LINGO1: variants seen among roughly 807,000 people sequenced by gnomAD.
LINGO1 encodes the protein leucine rich repeat and Ig domain containing 1, also known as leucine-rich repeat and immunoglobulin-like domain-containing nogo receptor-interacting protein 1.
LINGO1 carries 11 observed loss-of-function variants against 37.3 expected under a neutral mutation model. The ratio of observed to expected loss-of-function variants is 0.29; its 90% CI spans 0.19 to 0.49. LINGO1 has a LOEUF of 0.49. LINGO1 is among the 20% of genes least tolerant of loss of function. The pLI, the probability that LINGO1 is intolerant of heterozygous loss-of-function variation, is 0.99. For synonymous variants in LINGO1, 387 were observed against 403.0 expected (o/e 0.96, Z 0.48); for missense variants, 585 against 878.2 (o/e 0.67, Z 4.22).
chr15:77,713,105 C>A (rs913386261), intron 2 of LINGO1, among the ~76,000 whole-genome samples: 4 of 152,116 alleles, frequency 2.6e-5, no homozygotes, highest in Admixed American at 6.5e-5. Flanking sequence ...TGCAGTGGTA[C>A]AATCTTGGCT....
At chr15:77,620,674 G>C (rs933092035) in intron 1 of LINGO1, among the ~76,000 whole-genome samples, 1 of 152,214 alleles carries the variant, frequency 6.6e-6, no homozygotes, top group Non-Finnish European at 1.5e-5. Context: ...CTCAAACCTT[G>C]CTAAAGGGTA....
At chr15:77,765,704 T>A (rs545500469) in intron 1 of LINGO1, among the ~76,000 whole-genome samples, 1 of 152,110 alleles carries the variant, frequency 6.6e-6, no homozygotes, top group Non-Finnish European at 1.5e-5. Context: ...GGACCCATAC[T>A]GAAAACTGAA....
upstream of LINGO1, among the ~76,000 whole-genome samples, chr15:77,635,225 C>T (rs549806412): frequency 2.6e-4 from 40 of 152,222 alleles, no homozygotes; most frequent in Non-Finnish European, 5.3e-4. Flanking sequence ...AAGCCATTCC[C>T]CTTTCCCTTT....
chr15:77,774,692 T>C (rs534977806), intron 1 of LINGO1, among the ~76,000 whole-genome samples: 1 of 152,112 alleles, frequency 6.6e-6, no homozygotes, highest in Non-Finnish European at 1.5e-5. Flanking sequence ...GTGATGTCAG[T>C]AATGAGAGCA....
chr15:77,783,370 T>A (rs1043883436), intron 1 of LINGO1, among the ~76,000 whole-genome samples: 6 of 152,150 alleles, frequency 3.9e-5, no homozygotes, highest in Non-Finnish European at 8.8e-5. Context: ...AAGGGCAGGC[T>A]GGCTCCAAGC....
chr15:77,819,757 C>T (rs1248202605), intron 1 of LINGO1, among the ~76,000 whole-genome samples: 6 of 151,084 alleles, frequency 4.0e-5, no homozygotes, highest in African/African-American at 1.2e-4. Flanking sequence ...GCGGGCGGCC[C>T]GGCTCCCGCA....
At chr15:77,785,411 GC>G (rs1482670001) in intron 1 of LINGO1, among the ~76,000 whole-genome samples, 1 of 152,178 alleles carries the variant, frequency 6.6e-6, no homozygotes, top group Non-Finnish European at 1.5e-5. Flanking sequence ...CCCAACTGAG[GC>G]CCTGGAGCGT....
chr15:77,801,064 A>G (rs937352114), intron 1 of LINGO1, among the ~76,000 whole-genome samples: 1 of 152,132 alleles, frequency 6.6e-6, no homozygotes, highest in African/African-American at 2.4e-5. Context: ...AGACCATTGG[A>G]TGGAGGGGGA....
intron 2 of LINGO1, among the ~76,000 whole-genome samples, chr15:77,702,541 T>C (rs1405536991): frequency 2.0e-5 from 3 of 152,190 alleles, no homozygotes; most frequent in African/African-American, 7.2e-5. Flanking sequence ...CAACATGCCA[T>C]GGCCTTCCTG....
At chr15:77,685,916 A>C (rs2075501715) in intron 2 of LINGO1, among the ~76,000 whole-genome samples, 1 of 152,124 alleles carries the variant, frequency 6.6e-6, no homozygotes, top group Non-Finnish European at 1.5e-5. Context: ...CCCTTAAAGC[A>C]ATGCAGGAGG....
At chr15:77,630,845 T>G (rs2074233804) in intron 1 of LINGO1, among the ~76,000 whole-genome samples, 1 of 152,108 alleles carries the variant, frequency 6.6e-6, no homozygotes, top group African/African-American at 2.4e-5. Flanking sequence ...TGTGCCCTCT[T>G]TCAGCACGGT....
intron 2 of LINGO1, among the ~76,000 whole-genome samples, chr15:77,688,286 G>A (rs1290519471): frequency 1.3e-5 from 2 of 152,248 alleles, no homozygotes; most frequent in Non-Finnish European, 2.9e-5. Context: ...AGAGGGTCAA[G>A]TTGGTCTGCT....
intron 1 of LINGO1, among the ~76,000 whole-genome samples, chr15:77,626,155 T>C (rs1009251847): frequency 6.6e-6 from 1 of 152,042 alleles, no homozygotes; most frequent in Non-Finnish European, 1.5e-5. Flanking sequence ...CCACAGAATC[T>C]CTGGGCTAGG....
chr15:77,637,072 C>T (rs1166010965), upstream of LINGO1, among the ~76,000 whole-genome samples: 2 of 152,146 alleles, frequency 1.3e-5, no homozygotes, highest in Admixed American at 1.3e-4. The surrounding 1 kb of genome is among the most constrained non-coding windows in gnomAD (Gnocchi z 4.6). Context: ...CCCATGTAAG[C>T]ATGTCACAAA....
At chr15:77,634,303 G>C, upstream of LINGO1, 2 of 456,050 alleles carry the variant, frequency 4.4e-6, no homozygotes, top group Non-Finnish European at 8.8e-6. Flanking sequence ...CCATTTCTGG[G>C]TACTTCTCAG....
chr15:77,751,906 GT>G, intron 1 of LINGO1, among the ~76,000 whole-genome samples: 1 of 152,278 alleles, frequency 6.6e-6, no homozygotes, highest in Middle Eastern at 3.4e-3. Context: ...CATTTCCCAA[GT>G]CCCCCCTGTG....
intron 2 of LINGO1, among the ~76,000 whole-genome samples, chr15:77,794,046 C>T (rs2076838329): frequency 6.6e-6 from 1 of 152,146 alleles, no homozygotes; most frequent in Non-Finnish European, 1.5e-5. Flanking sequence ...ATCTCCCCGC[C>T]CACTGAGCTC....
intron 1 of LINGO1, chr15:77,819,660 G>C (rs1227713280): frequency 6.6e-6 from 1 of 151,028 alleles, no homozygotes; most frequent in Non-Finnish European, 1.5e-5. Flanking sequence ...ACCCCCTGCC[G>C]GGACGGCCGG....
chr15:77,791,152 T>C (rs2076815547), upstream of LINGO1, among the ~76,000 whole-genome samples: 2 of 151,974 alleles, frequency 1.3e-5, no homozygotes, highest in African/African-American at 2.4e-5. Context: ...CAGAGCACCA[T>C]GGTTTGAATG....
Sources: gnomAD v4.1 joint callset for allele counts (sites outside exome capture counted in the v4.1 genomes callset) on GRCh38, gnomAD v4.1.1 for gene constraint, Gnocchi (gnomAD v3.1) non-coding constraint, MANE v1.5 for transcripts, NCBI Gene and HGNC (gene_info 2026-07-23, HGNC 2026-07-21) for gene names.